The following IL19 variants were observed in gnomAD, a reference collection of about 807,000 sequenced individuals.
The protein encoded by IL19 is interleukin-19.
IL19 carries 15 observed loss-of-function variants against 19.5 expected under a neutral mutation model. The ratio of observed to expected loss-of-function variants is 0.77; its 90% CI spans 0.52 to 1.19. The LOEUF (loss-of-function observed/expected upper bound fraction) is 1.19, where lower values mean the gene tolerates loss of function less well. Among genes scored for constraint, IL19 ranks in the 50% most tolerant of loss-of-function variants. IL19 has a pLI of 0.00. For synonymous variants in IL19, 78 were observed against 78.3 expected (o/e 1.00, Z 0.02); for missense variants, 199 against 213.1 (o/e 0.93, Z 0.41).
intron 2 of IL19, among the ~76,000 whole-genome samples, chr1:206,830,540 G>T (rs1343697984): frequency 6.6e-6 from 1 of 150,614 alleles, no homozygotes; most frequent in Non-Finnish European, 1.5e-5. Context: ...ATCCCTATTA[G>T]CTTCCCAAAT....
chr1:206,838,356 G>T (rs539210985), intron 4 of IL19, among the ~76,000 whole-genome samples: 9 of 152,298 alleles, frequency 5.9e-5, no homozygotes, highest in African/African-American at 1.9e-4. Context: ...AGGTATATTT[G>T]TATTGAGTTA....
At chr1:206,812,131 TCTAC>T (rs1676030622) in intron 2 of IL19, among the ~76,000 whole-genome samples, 1 of 152,230 alleles carries the variant, frequency 6.6e-6, no homozygotes, top group Non-Finnish European at 1.5e-5. Context: ...GGGATGGGGT[TCTAC>T]ATTACAGGAT....
At chr1:206,799,318 C>G (rs1326709698) in intron 2 of IL19, among the ~76,000 whole-genome samples, 2 of 152,102 alleles carry the variant, frequency 1.3e-5, no homozygotes, top group East Asian at 3.9e-4. Flanking sequence ...CTTCACACAA[C>G]AAGAGTCTTC....
In IL19 at chr1:206,772,406, C is replaced by G. The variant is rs762421652; in HGVS notation, c.-149+1328C>G. 10 of 1,613,974 alleles carry G rather than the reference C, an allele frequency of 6.2e-6. No individual in the cohort carries two copies. In the African/African-American group the frequency reaches 1.3e-4, roughly 22 times the overall value. On this transcript the variant is annotated intron_variant, in intron 1 of 6. Coordinates refer to ENST00000659997, the MANE Select transcript of IL19 (RefSeq NM_153758.5). The stretch of plus-strand genomic sequence containing the variant: ...TGGCCCTCACCCCAGTCAGGAGGAC[C>G]AGGCAACAGAGCAGTGCTGAGCTGT...
chr1:206,841,972 G>A (rs1444024782), intron 6 of IL19, among the ~76,000 whole-genome samples: 2 of 152,184 alleles, frequency 1.3e-5, no homozygotes. Flanking sequence ...CGCGCTAAAA[G>A]CATGAACTCA....
chr1:206,788,130 T>G (rs1675309129), intron 1 of IL19, among the ~76,000 whole-genome samples: 1 of 152,188 alleles, frequency 6.6e-6, no homozygotes, highest in Admixed American at 6.5e-5. Context: ...TGAGCAATCT[T>G]ATCTGTTGTG....
intron 1 of IL19, among the ~76,000 whole-genome samples, chr1:206,796,989 C>A (rs554321445): frequency 1.3e-5 from 2 of 152,228 alleles, no homozygotes; most frequent in African/African-American, 2.4e-5. Flanking sequence ...AAGTATTGCT[C>A]GAAAACCGGA....
At chr1:206,778,742 C>A (rs998011134) in intron 1 of IL19, among the ~76,000 whole-genome samples, 1 of 152,214 alleles carries the variant, frequency 6.6e-6, no homozygotes, top group Non-Finnish European at 1.5e-5. Flanking sequence ...TCTGGTTTCA[C>A]CTTCATCCAG....
At chr1:206,779,520 C>T (rs1041161121) in intron 1 of IL19, among the ~76,000 whole-genome samples, 2 of 152,164 alleles carry the variant, frequency 1.3e-5, no homozygotes, top group Non-Finnish European at 2.9e-5. Context: ...AACACTGTCT[C>T]ATCTCTCCTG....
intron 1 of IL19, among the ~76,000 whole-genome samples, chr1:206,789,706 A>C (rs1237481622): frequency 6.6e-6 from 1 of 152,092 alleles, no homozygotes; most frequent in Non-Finnish European, 1.5e-5. Context: ...GTACCCATTA[A>C]TTATTTTTCC....
intron 2 of IL19, among the ~76,000 whole-genome samples, chr1:206,811,822 C>T (rs1676021157): frequency 6.6e-6 from 1 of 152,186 alleles, no homozygotes; most frequent in African/African-American, 2.4e-5. Context: ...GCAACCCTTC[C>T]ATCATGGAGG....
At chr1:206,798,792 A>G in intron 1 of IL19, 69 bp from the exon 2 acceptor site, 1 of 849,016 alleles carries the variant, frequency 1.2e-6, no homozygotes. Flanking sequence ...TGCCGACCTC[A>G]AAGCCACCAG....
intron 2 of IL19, among the ~76,000 whole-genome samples, chr1:206,811,564 T>A (rs1047058689): frequency 6.6e-6 from 1 of 151,970 alleles, no homozygotes; most frequent in Non-Finnish European, 1.5e-5. Context: ...AAATGACGCA[T>A]CCTGTGGATT....
chr1:206,839,707 T>A (rs1676934201), intron 4 of IL19, 143 bp from the exon 5 acceptor site: 1 of 709,394 alleles, frequency 1.4e-6, no homozygotes, highest in East Asian at 2.5e-5. Context: ...TAAGAGAGGA[T>A]GAACACTCTG....
intron 1 of IL19, among the ~76,000 whole-genome samples, chr1:206,773,586 TTGTGTGTGTGTGTGTGTGTGTGTGTG>T (rs2234662): frequency 3.0e-5 from 4 of 131,866 alleles, no homozygotes; most frequent in African/African-American, 8.7e-5. Flanking sequence ...TGTCTTGGAT[TTGTGTGTGTGTGTGTGTGTGTGTGTG>T]TGTGTGTGTG....
chr1:206,798,943 C>T lies in IL19; in HGVS notation c.-66C>T, dbSNP rs957819350. 20 of 1,613,930 alleles carry T rather than the reference C, an allele frequency of 1.2e-5. No homozygotes were observed. In the African/African-American group the frequency reaches 2.7e-4, roughly 22 times the overall value. On this transcript the variant is annotated 5_prime_UTR_variant, in exon 2 of 7. Transcript: ENST00000659997. The stretch of plus-strand genomic sequence containing the variant: ...GCACAGATCTGCGTGTTCCTTACCA[C>T]TCACACATGTGCACACACATATCCA...
chr1:206,789,310 T>C (rs1346694917), intron 1 of IL19, among the ~76,000 whole-genome samples: 1 of 152,194 alleles, frequency 6.6e-6, no homozygotes, highest in Non-Finnish European at 1.5e-5. Flanking sequence ...TACTAAACAT[T>C]GTACCCAACA....
chr1:206,798,841 C>G lies in IL19; in HGVS notation c.-148-20C>G, dbSNP rs1460809366. On this transcript the variant is annotated intron_variant, in intron 1 of 6. Coordinates refer to ENST00000659997, the MANE Select transcript of IL19 (RefSeq NM_153758.5). ...AGTGTACCTTTTTGTAATGATGACT[C>G]TCTATGATTTTCTCCATAGAGCGGT... 1 of 1,340,554 alleles carries G rather than the reference C, an allele frequency of 7.5e-7. No homozygotes were observed. The highest frequency in any genetic ancestry group is 1.1e-6 in the Non-Finnish European group (1 of 945,142). The allele number at this position is 1,340,554 out of a possible 1,614,324, so 83.0% of individuals were successfully genotyped here.
chr1:206,830,317 C>A (rs962370092), intron 2 of IL19, among the ~76,000 whole-genome samples: 1 of 151,704 alleles, frequency 6.6e-6, no homozygotes, highest in African/African-American at 2.4e-5. Flanking sequence ...TAAAGGAGAG[C>A]CAACCCCACT....
Sources: gnomAD v4.1 joint callset for allele counts (sites outside exome capture counted in the v4.1 genomes callset) on GRCh38, gnomAD v4.1.1 for gene constraint, MANE v1.5 for transcripts, NCBI Gene and HGNC (gene_info 2026-07-23, HGNC 2026-07-21) for gene names.